The following FAM228B variants were observed in gnomAD, a reference collection of about 807,000 sequenced individuals.
FAM228B encodes the protein family with sequence similarity 228 member B, also known as protein FAM228B.
Under a neutral mutation model 42.6 loss-of-function variants are expected in FAM228B, and 38 were observed. The observed-to-expected ratio is 0.89, with a 90% CI of 0.69 to 1.17. The LOEUF is 1.17. Among genes scored for constraint, FAM228B ranks in the 50% most tolerant of loss-of-function variants. The pLI is 0.00. For missense variants in FAM228B, 344 were observed against 367.3 expected (o/e 0.94, Z 0.52); for synonymous variants, 109 against 122.3 (o/e 0.89, Z 0.72).
chr2:24,080,847 G>A lies in FAM228B; in HGVS notation c.-289-29G>A, dbSNP rs779438500. ...TGGTGAATTTCAGCGTTGCTTCAGA[G>A]AAATCCTCTTTTTTGTAATTGAATC... On this transcript the variant is annotated intron_variant, in intron 1 of 10. Coordinates refer to the FAM228B transcript ENST00000613899. This position sits in a 1 kb window ranked among gnomAD's most constrained non-coding sequence, Gnocchi z 4.7. The A allele has an allele frequency of 6.2e-7, 1 of 1,614,212 alleles. No individual in the cohort carries two copies. Among genetic ancestry groups the A allele is most frequent in the East Asian group, 2.2e-5 (1 of 44,888 alleles).
At chr2:24,129,872 A>G (rs1036357592) in intron 2 of FAM228B, among the ~76,000 whole-genome samples, 4 of 152,156 alleles carry the variant, frequency 2.6e-5, no homozygotes, top group Admixed American at 1.3e-4. Flanking sequence ...TTACATAGGT[A>G]TATATATGCC....
chr2:24,160,599 T>C (rs1667262983), intron 7 of FAM228B, among the ~76,000 whole-genome samples: 1 of 152,066 alleles, frequency 6.6e-6, no homozygotes, highest in South Asian at 2.1e-4. Flanking sequence ...ATTTCCTTTT[T>C]TCCCCCCAAT....
chr2:24,125,635 A>G (rs369914026), intron 2 of FAM228B, among the ~76,000 whole-genome samples: 3 of 151,576 alleles, frequency 2.0e-5, no homozygotes, highest in African/African-American at 4.9e-5. Flanking sequence ...ATCTCGGCTC[A>G]ATGCAACCTC....
At chr2:24,104,526 C>A (rs1370046064) in intron 3 of FAM228B, among the ~76,000 whole-genome samples, 1 of 152,198 alleles carries the variant, frequency 6.6e-6, no homozygotes, top group South Asian at 2.1e-4. Context: ...ACTCCACCCA[C>A]CCCCACCACT....
At chr2:24,126,471 C>T (rs899455756) in intron 2 of FAM228B, among the ~76,000 whole-genome samples, 3 of 152,138 alleles carry the variant, frequency 2.0e-5, no homozygotes, top group Non-Finnish European at 2.9e-5. Context: ...TCTTACTTGC[C>T]ATTTATCTAT....
chr2:24,082,750 A>C (rs1234235796), intron 2 of FAM228B: 2 of 1,239,412 alleles, frequency 1.6e-6, no homozygotes, highest in Non-Finnish European at 2.2e-6. Context: ...CCCTTCTAAC[A>C]TGGTTTGAGG....
intron 3 of FAM228B, among the ~76,000 whole-genome samples, chr2:24,108,649 C>T (rs1184906375): frequency 6.6e-6 from 1 of 152,086 alleles, no homozygotes; most frequent in Non-Finnish European, 1.5e-5. Flanking sequence ...TGCCTGTAAT[C>T]CCAGCACTTT....
At chr2:24,124,270 A>G (rs1666241422) in intron 1 of FAM228B, 60 bp from the exon 2 acceptor site, 1 of 867,434 alleles carries the variant, frequency 1.2e-6, no homozygotes, top group Non-Finnish European at 1.8e-6. Flanking sequence ...AGGTGGTATT[A>G]AACAGAAGAG....
Position 24,168,679 on chromosome 2 carries a change from ATAT to A in FAM228B, c.*15-673_*15-671del, listed in dbSNP as rs1235285664. On this transcript the variant is annotated intron_variant, in intron 10 of 10. Coordinates refer to ENST00000615575, the MANE Select transcript of FAM228B (RefSeq NM_001145710.2). The stretch of plus-strand genomic sequence containing the variant: ...GGGAATATTTTTATCAGCGATATTG[ATAT>A]TATAACATGTATGTTTCCTGATGGG... 2.0e-5 allele frequency among the ~76,000 whole-genome samples: 3 copies of A among 152,110 alleles called. No individual in the cohort carries two copies. In the South Asian group the frequency reaches 6.2e-4, roughly 32 times the overall value.
upstream of FAM228B, among the ~76,000 whole-genome samples, chr2:24,118,910 A>C (rs1001622513): frequency 6.6e-6 from 1 of 152,182 alleles, no homozygotes; most frequent in African/African-American, 2.4e-5. Context: ...AACTCCAGTA[A>C]ACTTTTTAAA....
intron 3 of FAM228B, among the ~76,000 whole-genome samples, chr2:24,135,759 T>C (rs534108251): frequency 2.0e-5 from 3 of 152,274 alleles, no homozygotes; most frequent in East Asian, 3.9e-4. Context: ...CTTAATATTT[T>C]ATTTATTTCA....
chr2:24,084,061 G>A lies in FAM228B; in HGVS notation c.-210+3106G>A, dbSNP rs1051964937. The A allele has an allele frequency of 9.6e-5, 133 of 1,384,632 alleles. No homozygotes were observed. Among genetic ancestry groups the A allele is most frequent in the Non-Finnish European group, 1.2e-4 (125 of 1,053,206 alleles). The allele number at this position is 1,384,632 out of a possible 1,614,324, so 85.8% of individuals were successfully genotyped here. A position where few individuals can be genotyped will look rare whatever the true frequency, so the allele number is the denominator to read the frequency against. Reference sequence around the variant, plus strand: ...GGCGCCCTGGGTTTAGGTCTGGGAAGCCCCAGCGCAGCTGCCTGCTGGGTG... The same window carrying A: ...GGCGCCCTGGGTTTAGGTCTGGGAAACCCCAGCGCAGCTGCCTGCTGGGTG... On this transcript the variant is annotated intron_variant, in intron 2 of 10. Coordinates refer to the FAM228B transcript ENST00000613899. This position sits in a 1 kb window ranked among gnomAD's most constrained non-coding sequence, Gnocchi z 8.4.
chr2:24,169,441 C>A lies in FAM228B; in HGVS notation c.*100C>A. The A allele has an allele frequency of 2.3e-6, 1 of 435,628 alleles. No individual in the cohort carries two copies. Among genetic ancestry groups the A allele is most frequent in the Non-Finnish European group, 5.0e-6 (1 of 198,830 alleles). 27.0% of individuals were successfully genotyped at this position (435,628 alleles called of 1,614,324 possible). On this transcript the variant is annotated 3_prime_UTR_variant, in exon 11 of 11. Transcript: ENST00000615575. This position sits in a 1 kb window ranked among gnomAD's most constrained non-coding sequence, Gnocchi z 4.2. The stretch of plus-strand genomic sequence containing the variant: ...AGGCTGCTTCAGAGGAAGTCATCTG[C>A]TCACAGGAATCAGGGTGAAGGCCAA...
chr2:24,151,416 G>A (rs1436277806), intron 7 of FAM228B, among the ~76,000 whole-genome samples: 8 of 151,354 alleles, frequency 5.3e-5, no homozygotes, highest in African/African-American at 1.9e-4. Flanking sequence ...TCAGCCTCCT[G>A]AGTAGCTGGG....
rs1473929077 is a variant in FAM228B at position 24,129,381 on chromosome 2, A to G, written c.99+4921A>G. ...TGCTACTCTGTCTTGTTCAAAAGTG[A>G]AAGTTCTCATCCAGACATTATTTTT... On this transcript the variant is annotated intron_variant, in intron 2 of 10. Coordinates refer to ENST00000615575, the MANE Select transcript of FAM228B (RefSeq NM_001145710.2). Among the ~76,000 whole-genome samples the G allele has an allele frequency of 4.0e-5, 6 of 151,594 alleles. No individual in the cohort carries two copies. The South Asian group carries it at 1.3e-3, about 32-fold the overall frequency.
At chr2:24,154,463 G>A (rs370407546) in intron 7 of FAM228B, among the ~76,000 whole-genome samples, 92 of 152,342 alleles carry the variant, frequency 6.0e-4, no homozygotes, top group African/African-American at 1.8e-3. Context: ...TATTTTGAAT[G>A]TAAGTCCCTT....
At chr2:24,079,527 C>G in intron 1 of FAM228B, 15 of 1,614,176 alleles carry the variant, frequency 9.3e-6, no homozygotes, top group Admixed American at 1.7e-5. Flanking sequence ...CCATTGATGT[C>G]ACCTCCTCCC....
chr2:24,109,252 G>T (rs190371360), intron 3 of FAM228B, among the ~76,000 whole-genome samples: 5 of 148,912 alleles, frequency 3.4e-5, no homozygotes, highest in Admixed American at 3.3e-4. Context: ...ACATGCAGAA[G>T]ATTGAAATTT....
At chr2:24,102,853 T>C (rs1280386417) in intron 3 of FAM228B, among the ~76,000 whole-genome samples, 1 of 152,242 alleles carries the variant, frequency 6.6e-6, no homozygotes, top group Non-Finnish European at 1.5e-5. Flanking sequence ...CAGTCCTCAC[T>C]GTTAAACTAA....
Sources: gnomAD v4.1 joint callset for allele counts (sites outside exome capture counted in the v4.1 genomes callset) on GRCh38, gnomAD v4.1.1 for gene constraint, Gnocchi (gnomAD v3.1) non-coding constraint, MANE v1.5 for transcripts, NCBI Gene and HGNC (gene_info 2026-07-23, HGNC 2026-07-21) for gene names.